Variants in ZNF804B observed in about 807,000 individuals in gnomAD.
ZNF804B encodes zinc finger 804B.
ZNF804B carries 80 observed loss-of-function variants against 101.4 expected under a neutral mutation model. The ratio of observed to expected loss-of-function variants is 0.79; its 90% CI spans 0.66 to 0.95. ZNF804B has a LOEUF of 0.95. ZNF804B is among the 40% of genes least tolerant of loss of function. The probability of loss-of-function intolerance (pLI) is 0.00; values close to 1 mark genes in which losing one functional copy is unlikely to be tolerated. For synonymous variants in ZNF804B, 622 were observed against 558.8 expected (o/e 1.11, Z -1.59); for missense variants, 1,673 against 1,561.9 (o/e 1.07, Z -1.20).
At chr7:89,039,412 T>A (rs1788980374) in intron 1 of ZNF804B, among the ~76,000 whole-genome samples, 1 of 151,988 alleles carries the variant, frequency 6.6e-6, no homozygotes, top group Non-Finnish European at 1.5e-5. Flanking sequence ...AGTGTACAGA[T>A]CTTTCACCTC....
chr7:89,196,230 G>T (rs955851244), intron 1 of ZNF804B, among the ~76,000 whole-genome samples: 19 of 151,882 alleles, frequency 1.3e-4, no homozygotes, highest in African/African-American at 4.4e-4. Flanking sequence ...AAATAGAATA[G>T]AAACTTTGGA....
intron 1 of ZNF804B, among the ~76,000 whole-genome samples, chr7:88,949,589 T>C (rs1793186996): frequency 1.3e-5 from 2 of 151,978 alleles, no homozygotes; most frequent in Admixed American, 1.3e-4. Context: ...GTTTTTATCA[T>C]ATAGAAATTG....
intron 1 of ZNF804B, among the ~76,000 whole-genome samples, chr7:88,816,263 T>C (rs1790875357): frequency 6.6e-6 from 1 of 152,114 alleles, no homozygotes; most frequent in Non-Finnish European, 1.5e-5. Context: ...TGCTTAGACC[T>C]AAAACCATAA....
At chr7:89,246,278 A>G (rs939528159) in intron 2 of ZNF804B, among the ~76,000 whole-genome samples, 1 of 152,214 alleles carries the variant, frequency 6.6e-6, no homozygotes, top group Non-Finnish European at 1.5e-5. Context: ...ACTTGCAGCC[A>G]GGAGCAGTTT....
At chr7:89,247,012 G>T (rs939785513) in intron 2 of ZNF804B, among the ~76,000 whole-genome samples, 1 of 152,120 alleles carries the variant, frequency 6.6e-6, no homozygotes, top group Admixed American at 6.5e-5. Flanking sequence ...GGTGCAGGGG[G>T]CTCCTCTCCA....
Position 89,208,361 on chromosome 7 carries a change from C to A in ZNF804B, c.109-9794C>A, listed in dbSNP as rs1036652505. Reference sequence around the variant, plus strand: ...CCTCCCAGAGTGCTGGGATTACAGGCATGAGCCACCGCGCCTAGCCCTGTT... The same window carrying A: ...CCTCCCAGAGTGCTGGGATTACAGGAATGAGCCACCGCGCCTAGCCCTGTT... On this transcript the variant is annotated intron_variant, in intron 1 of 3. Transcript: ENST00000333190. Among the ~76,000 whole-genome samples, 4 of 152,112 alleles carry A rather than the reference C, an allele frequency of 2.6e-5. No homozygotes were observed. In the South Asian group the frequency reaches 8.3e-4, roughly 31 times the overall value.
At chr7:89,030,792 C>G (rs1318616592) in intron 1 of ZNF804B, among the ~76,000 whole-genome samples, 1 of 152,072 alleles carries the variant, frequency 6.6e-6, no homozygotes, top group Non-Finnish European at 1.5e-5. Flanking sequence ...TAATAAAGGG[C>G]CATTTGTGAT....
At chr7:88,827,149 ATATTT>A (rs1562804682) in intron 1 of ZNF804B, among the ~76,000 whole-genome samples, 1 of 152,106 alleles carries the variant, frequency 6.6e-6, no homozygotes, top group African/African-American at 2.4e-5. Context: ...AAGTTAAATC[ATATTT>A]TAATTATAGA....
chr7:89,318,795 G>T (rs1455432299), intron 2 of ZNF804B, among the ~76,000 whole-genome samples: 1 of 152,080 alleles, frequency 6.6e-6, no homozygotes, highest in Non-Finnish European at 1.5e-5. Flanking sequence ...CTCTAACCCA[G>T]CGGCGCTAGA....
intron 1 of ZNF804B, among the ~76,000 whole-genome samples, chr7:88,996,455 A>G (rs1396375493): frequency 2.0e-5 from 3 of 152,048 alleles, no homozygotes; most frequent in African/African-American, 7.2e-5. Flanking sequence ...CTGTTGGAGT[A>G]TCCCTCTGAC....
At chr7:89,314,712 C>G (rs577286071) in intron 2 of ZNF804B, among the ~76,000 whole-genome samples, 29 of 152,282 alleles carry the variant, frequency 1.9e-4, no homozygotes, top group Non-Finnish European at 3.5e-4. Context: ...AGTAACTTTG[C>G]AAGAGGCTCA....
rs1315777978 is a variant in ZNF804B, at chr7:89,106,683, A to G, written c.109-111472A>G. The stretch of plus-strand genomic sequence containing the variant: ...GGAAGACAACATAGAAAAATCCTGT[A>G]GCAATGTAGGCCTAAGGTTTAAAAC... On this transcript the variant is annotated intron_variant, in intron 1 of 3. Transcript: ENST00000333190. Among the ~76,000 whole-genome samples, 4 of 152,166 alleles carry G rather than the reference A, an allele frequency of 2.6e-5. No homozygotes were observed. In the East Asian group the frequency reaches 7.7e-4, roughly 29 times the overall value.
intron 1 of ZNF804B, among the ~76,000 whole-genome samples, chr7:88,765,544 C>T (rs1789968159): frequency 6.6e-6 from 1 of 150,906 alleles, no homozygotes; most frequent in Middle Eastern, 3.4e-3. Context: ...CTATCAAGTG[C>T]CTTTCAGTGT....
At chr7:89,150,841 G>A (rs920991034) in intron 1 of ZNF804B, among the ~76,000 whole-genome samples, 9 of 152,054 alleles carry the variant, frequency 5.9e-5, no homozygotes, top group Admixed American at 4.6e-4. Flanking sequence ...AGAGAGCATG[G>A]TAGGCTCTTT....
chr7:89,047,458 G>A (rs995891111), intron 1 of ZNF804B, among the ~76,000 whole-genome samples: 3 of 152,080 alleles, frequency 2.0e-5, no homozygotes, highest in African/African-American at 7.2e-5. Context: ...GGAAAGGAGC[G>A]CTTTATTACT....
intron 1 of ZNF804B, among the ~76,000 whole-genome samples, chr7:89,042,923 C>T (rs1327855125): frequency 6.6e-6 from 1 of 152,154 alleles, no homozygotes; most frequent in Non-Finnish European, 1.5e-5. Flanking sequence ...TGAAATAATG[C>T]ATATGTTATG....
rs2115999153 is a variant in ZNF804B at position 89,333,842 on chromosome 7, A to G, written c.860A>G (p.His287Arg). The change falls in exon 4 of 4, where the codon CAT (histidine) becomes CGT (arginine). Residue 287 changes from histidine (H) to arginine (R), a missense_variant. His to Arg is a conservative substitution (Grantham distance 29). Transcript: ENST00000333190. Reference sequence around the variant, plus strand: ...AAAGAGGTAAATATCTCACCAAGCCATCTGGAAAGTGTTTTACACAATACC... The same window carrying G: ...AAAGAGGTAAATATCTCACCAAGCCGTCTGGAAAGTGTTTTACACAATACC... ...KEKEVNISPS[H>R]LESVLHNTIS... 3 of 1,613,062 alleles carry G rather than the reference A, an allele frequency of 1.9e-6. No homozygotes were observed. Among genetic ancestry groups the G allele is most frequent in the Non-Finnish European group, 2.5e-6 (3 of 1,179,560 alleles).
intron 1 of ZNF804B, among the ~76,000 whole-genome samples, chr7:89,018,652 T>A (rs1023093251): frequency 2.6e-5 from 4 of 152,054 alleles, no homozygotes; most frequent in Non-Finnish European, 4.4e-5. Context: ...TGTGCTGGAA[T>A]GGTTTTTGTT....
chr7:89,251,059 C>G (rs1789531847), intron 2 of ZNF804B, among the ~76,000 whole-genome samples: 1 of 152,158 alleles, frequency 6.6e-6, no homozygotes, highest in Non-Finnish European at 1.5e-5. Context: ...TCTCACCACT[C>G]TTATTCAACA....
Sources: gnomAD v4.1 joint callset for allele counts (sites outside exome capture counted in the v4.1 genomes callset) on GRCh38, gnomAD v4.1.1 for gene constraint, MANE v1.5 for transcripts, NCBI Gene and HGNC (gene_info 2026-07-23, HGNC 2026-07-21) for gene names.